The following C6orf89 variants were observed in gnomAD, a reference collection of about 807,000 sequenced individuals.
The protein encoded by C6orf89 is bombesin receptor-activated protein C6orf89.
C6orf89 carries 29 observed loss-of-function variants against 40.7 expected under a neutral mutation model. The ratio of observed to expected loss-of-function variants is 0.71; its 90% CI spans 0.53 to 0.97. The LOEUF (loss-of-function observed/expected upper bound fraction) is 0.97. C6orf89 is among the 50% of genes least tolerant of loss of function. C6orf89 has a pLI of 0.00. For synonymous variants in C6orf89, 165 were observed against 152.2 expected, an observed-to-expected ratio of 1.08 and a Z score of -0.62; for missense variants, 392 against 429.1, an observed-to-expected ratio of 0.91 and a Z score of 0.76.
intron 7 of C6orf89, among the ~76,000 whole-genome samples, chr6:36,917,818 C>A (rs946973232): frequency 2.6e-5 from 4 of 152,158 alleles, no homozygotes; most frequent in African/African-American, 9.7e-5. Flanking sequence ...CTTTATCTTT[C>A]TCTTGGTTTT....
chr6:36,900,091 TG>T (rs1761611666), intron 3 of C6orf89, among the ~76,000 whole-genome samples: 1 of 152,060 alleles, frequency 6.6e-6, no homozygotes. Context: ...TTCTCCATGT[TG>T]GTCAGGCTGG....
At chr6:36,916,408 A>C in intron 6 of C6orf89, 37 bp from the exon 7 acceptor site, 1 of 1,612,100 alleles carries the variant, frequency 6.2e-7, no homozygotes, top group East Asian at 2.2e-5. Context: ...TGGCTTGACC[A>C]GTTTAATTAC....
intron 4 of C6orf89, among the ~76,000 whole-genome samples, 191 bp from the exon 5 acceptor site, chr6:36,914,092 CA>C (rs545747934): frequency 8.9e-4 from 136 of 152,288 alleles, no homozygotes; most frequent in African/African-American, 3.2e-3. Context: ...ACCCAGGAGG[CA>C]GGGGTTACAG....
intron 2 of C6orf89, among the ~76,000 whole-genome samples, chr6:36,897,228 T>C (rs1490709323): frequency 6.6e-6 from 1 of 151,664 alleles, no homozygotes; most frequent in Non-Finnish European, 1.5e-5. Flanking sequence ...TTGAAAATAA[T>C]ACATTAAAAA....
intron 1 of C6orf89, chr6:36,874,988 A>C (rs1774613658): frequency 1.8e-6 from 1 of 542,028 alleles, no homozygotes; most frequent in Non-Finnish European, 3.2e-6. Context: ...AGGAAAATGC[A>C]AACTTCATTC....
Position 36,919,296 on chromosome 6 carries a change from G to A in C6orf89, c.826-282G>A, listed in dbSNP as rs550650805. 1.7e-4 allele frequency among the ~76,000 whole-genome samples: 26 copies of A among 152,296 alleles called. No homozygotes were observed. The South Asian group carries it at 5.2e-3, about 30-fold the overall frequency. ...ATGCAGGATCTACTCTGGGGCTCTC[G>A]TTGAGGGTATTGCCCACTAAATCAC... On this transcript the variant is annotated intron_variant, in intron 7 of 8. Transcript: ENST00000480824.
intron 4 of C6orf89, among the ~76,000 whole-genome samples, chr6:36,907,275 CTTTTGTTTTGTTTTG>C (rs58524464): frequency 1.9e-4 from 28 of 151,180 alleles, no homozygotes; most frequent in East Asian, 7.8e-4. Context: ...GGAAAGAAAT[CTTTTGTTTTGTTTTG>C]TTTTGTTTTG....
intron 1 of C6orf89, among the ~76,000 whole-genome samples, chr6:36,891,364 G>T (rs1250858023): frequency 3.9e-5 from 6 of 152,188 alleles, no homozygotes; most frequent in African/African-American, 1.4e-4. Context: ...TGGTGTATAT[G>T]TGCCACATTT....
At chr6:36,881,645 G>A (rs889910933), upstream of C6orf89, among the ~76,000 whole-genome samples, 1 of 152,186 alleles carries the variant, frequency 6.6e-6, no homozygotes, top group Non-Finnish European at 1.5e-5. Context: ...TTGCACTCCA[G>A]CTTGGGCAGC....
intron 7 of C6orf89, among the ~76,000 whole-genome samples, chr6:36,916,932 A>G (rs1209980046): frequency 6.6e-6 from 1 of 152,190 alleles, no homozygotes. Context: ...GCAAGCAGCC[A>G]TGATCGGTGG....
chr6:36,891,907 G>C (rs10456446), intron 1 of C6orf89, among the ~76,000 whole-genome samples: 34,225 of 152,158 alleles, frequency 0.22, 3,949 homozygotes, highest in East Asian at 0.32. Flanking sequence ...AAAACAGAAC[G>C]TCCAGGGTAA....
rs1412939872 is a variant in C6orf89, at chr6:36,925,465, T to C, written c.*2024T>C. ...GAAACCCTTGCATGTGTTGGTATTC[T>C]GAGGCATCCCGTGGGAAAGTCCCCT... On this transcript the variant is annotated 3_prime_UTR_variant, in exon 9 of 9. Coordinates refer to ENST00000480824, the MANE Select transcript of C6orf89 (RefSeq NM_001286635.2). The C allele has an allele frequency of 6.6e-6, 1 of 152,220 alleles. No homozygotes were observed. The highest frequency in any genetic ancestry group is 2.4e-5 in the African/African-American group (1 of 41,450). 9.4% of individuals were successfully genotyped at this position (152,220 alleles called of 1,614,324 possible). A position where few individuals can be genotyped will look rare whatever the true frequency, so the allele number is the denominator to read the frequency against.
chr6:36,922,008 A>T (rs575146974), intron 8 of C6orf89, among the ~76,000 whole-genome samples: 10 of 151,340 alleles, frequency 6.6e-5, no homozygotes, highest in Non-Finnish European at 1.3e-4. Context: ...AGCCTGGGCA[A>T]TGAAGCGAGA....
intron 1 of C6orf89, chr6:36,875,071 G>A: frequency 2.6e-6 from 1 of 380,734 alleles, no homozygotes; most frequent in Middle Eastern, 7.2e-4. Context: ...TGGAAGGCGG[G>A]AACAACCAGA....
intron 2 of C6orf89, among the ~76,000 whole-genome samples, chr6:36,898,693 A>G (rs1211974453): frequency 1.3e-5 from 2 of 152,186 alleles, no homozygotes; most frequent in South Asian, 4.1e-4. Flanking sequence ...TAAAATAACT[A>G]TAGGAACACA....
chr6:36,881,272 A>G (rs1774799280), upstream of C6orf89, among the ~76,000 whole-genome samples: 1 of 152,264 alleles, frequency 6.6e-6, no homozygotes, highest in Non-Finnish European at 1.5e-5. Flanking sequence ...GTAAGAGATT[A>G]TAAGAAAATA....
chr6:36,876,724 C>CAAAAAAAA (rs71540176), intron 1 of C6orf89, among the ~76,000 whole-genome samples: 7 of 92,166 alleles, frequency 7.6e-5, no homozygotes, highest in South Asian at 3.7e-4. Context: ...AACTCCATCT[C>CAAAAAAAA]AAAAAAAAAA....
At chr6:36,884,240 A>C (rs1334519711), upstream of C6orf89, among the ~76,000 whole-genome samples, 1 of 152,208 alleles carries the variant, frequency 6.6e-6, no homozygotes, top group African/African-American at 2.4e-5. This position sits in a 1 kb window ranked among gnomAD's most constrained non-coding sequence, Gnocchi z 4.0. Context: ...AGCCTTGGTG[A>C]CAGAGCAAGA....
intron 3 of C6orf89, among the ~76,000 whole-genome samples, chr6:36,901,172 G>C (rs1282485200): frequency 6.6e-6 from 1 of 151,112 alleles, no homozygotes; most frequent in Non-Finnish European, 1.5e-5. Context: ...GGTAGAGGTG[G>C]GGTTTCACCA....
Sources: allele counts gnomAD v4.1 joint callset (sites outside exome capture counted in the v4.1 genomes callset), GRCh38; gene constraint gnomAD v4.1.1; non-coding constraint Gnocchi (gnomAD v3.1); transcripts MANE v1.5; gene names NCBI Gene and HGNC (gene_info 2026-07-23, HGNC 2026-07-21).